Variants in ANK3 observed in about 807,000 individuals in gnomAD.
ANK3 encodes the protein ankyrin-3.
A neutral mutation model predicts 370.9 loss-of-function variants in ANK3; 57 were observed. The observed-to-expected ratio is 0.15, with a 90% CI of 0.12 to 0.19. ANK3 has a LOEUF of 0.19. Ranked by LOEUF, ANK3 falls within the 10% of genes least tolerant of loss-of-function variation. ANK3 has a pLI of 1.00. For synonymous variants in ANK3, 1,929 were observed against 1,946.3 expected (o/e 0.99, Z 0.23); for missense variants, 4,439 against 5,302.1 (o/e 0.84, Z 5.06).
chr10:60,590,761 C>T (rs1595329575), intron 2 of ANK3, among the ~76,000 whole-genome samples: 1 of 152,356 alleles, frequency 6.6e-6, no homozygotes, highest in East Asian at 1.9e-4. Context: ...TTCCTGCATA[C>T]TTTAAATCAT....
At chr10:60,321,178 C>T (rs1393824866) in intron 1 of ANK3, among the ~76,000 whole-genome samples, 5 of 151,904 alleles carry the variant, frequency 3.3e-5, no homozygotes, top group Non-Finnish European at 5.9e-5. Flanking sequence ...ATCACTTGAG[C>T]CCGGAGTTTG....
chr10:60,502,656 A>C (rs1199117708), intron 2 of ANK3, among the ~76,000 whole-genome samples: 1 of 151,334 alleles, frequency 6.6e-6, no homozygotes, highest in African/African-American at 2.4e-5. Context: ...TAGCCACTGC[A>C]CTCCAGTCTG....
intron 41 of ANK3, among the ~76,000 whole-genome samples, chr10:60,057,647 C>T (rs1346359776): frequency 6.6e-6 from 1 of 152,182 alleles, no homozygotes; most frequent in Non-Finnish European, 1.5e-5. Flanking sequence ...ATAACAGGAG[C>T]AAAGTGACTG....
At chr10:60,168,783 G>T (rs1291864754) in intron 21 of ANK3, among the ~76,000 whole-genome samples, 1 of 152,154 alleles carries the variant, frequency 6.6e-6, no homozygotes, top group Non-Finnish European at 1.5e-5. Flanking sequence ...TTGTAAGTGA[G>T]AACATGTGGT....
At chr10:60,221,589 T>C (rs1324664143) in intron 8 of ANK3, among the ~76,000 whole-genome samples, 1 of 152,178 alleles carries the variant, frequency 6.6e-6, no homozygotes, top group Non-Finnish European at 1.5e-5. Flanking sequence ...GACATCATAT[T>C]ATTATATCCT....
rs1467092166 is a variant in ANK3 at position 60,059,935 on chromosome 10, G to T, written c.12596-505C>A. The T allele has an allele frequency of 4.3e-6, 7 of 1,614,032 alleles. 1 individual carries two copies. The Admixed American group carries it at 1.0e-4, about 23-fold the overall frequency. On this transcript the variant is annotated intron_variant, in intron 40 of 43. Transcript: ENST00000280772. ...GAGATATCACTAAAATAATCATCTT[G>T]CTGGAAAGGGGTAGGTGGTGTGTAG...
intron 1 of ANK3, among the ~76,000 whole-genome samples, chr10:60,688,668 G>T (rs183937135): frequency 6.6e-6 from 1 of 152,198 alleles, no homozygotes; most frequent in Admixed American, 6.5e-5. Flanking sequence ...ATAAAATCAG[G>T]CCGGGTGCGG....
intron 1 of ANK3, among the ~76,000 whole-genome samples, chr10:60,329,224 A>G (rs1310804454): frequency 6.6e-6 from 1 of 152,194 alleles, no homozygotes; most frequent in Non-Finnish European, 1.5e-5. Flanking sequence ...AAACCGGCAC[A>G]AGACAAGGAT....
At chr10:60,436,045 G>A (rs1011550858) in intron 2 of ANK3, among the ~76,000 whole-genome samples, 1 of 150,192 alleles carries the variant, frequency 6.7e-6, no homozygotes, top group African/African-American at 2.5e-5. Flanking sequence ...CGGAGATCGC[G>A]CCACAGCACT....
intron 4 of ANK3, among the ~76,000 whole-genome samples, chr10:60,277,336 A>T (rs916380352): frequency 1.1e-4 from 17 of 152,228 alleles, no homozygotes; most frequent in Non-Finnish European, 2.5e-4. Context: ...GTAAAGTTTG[A>T]TTCAGACTTA....
chr10:60,644,168 A>C (rs562558280), intron 1 of ANK3, among the ~76,000 whole-genome samples: 1 of 152,242 alleles, frequency 6.6e-6, no homozygotes, highest in Non-Finnish European at 1.5e-5. Context: ...ATGTAAGATG[A>C]CTTCTCGTCT....
chr10:60,292,810 C>T (rs980620618), intron 1 of ANK3, among the ~76,000 whole-genome samples: 2 of 151,456 alleles, frequency 1.3e-5, no homozygotes, highest in African/African-American at 4.9e-5. Context: ...CGGGTTCAAG[C>T]GATTCTTCTG....
At chr10:60,270,086 C>G (rs2132670627) in intron 5 of ANK3, 45 bp downstream of exon 5, 2 of 1,335,530 alleles carry the variant, frequency 1.5e-6, no homozygotes, top group South Asian at 1.6e-5. Flanking sequence ...TCAAAATGCC[C>G]TATAAATACG....
At chr10:60,287,960 T>C (rs1383918735) in intron 1 of ANK3, among the ~76,000 whole-genome samples, 1 of 152,190 alleles carries the variant, frequency 6.6e-6, no homozygotes, top group Non-Finnish European at 1.5e-5. Flanking sequence ...TAAACCATAA[T>C]ATCCAATCCA....
At chr10:60,419,677 A>C (rs555615935) in intron 2 of ANK3, among the ~76,000 whole-genome samples, 64 of 152,112 alleles carry the variant, frequency 4.2e-4, no homozygotes, top group Non-Finnish European at 8.1e-4. Context: ...TCTCCTGCCT[A>C]CCTAAGCCTG....
chr10:60,545,882 T>C (rs7072878), intron 2 of ANK3, among the ~76,000 whole-genome samples: 88,674 of 152,070 alleles, frequency 0.58, 26,319 homozygotes, highest in East Asian at 0.79. Flanking sequence ...AAGATAATGA[T>C]ATAATGAGTT....
chr10:60,272,777 T>A (rs35079829), intron 4 of ANK3, among the ~76,000 whole-genome samples: 31,532 of 148,156 alleles, frequency 0.21, 3,780 homozygotes, highest in South Asian at 0.3. Flanking sequence ...CACACCCACC[T>A]TTTTTTTTTT....
chr10:60,714,234 G>C (rs2079751003), intron 1 of ANK3, among the ~76,000 whole-genome samples: 1 of 152,142 alleles, frequency 6.6e-6, no homozygotes, highest in African/African-American at 2.4e-5. Context: ...ATCTATTAAA[G>C]ACATTGAATC....
chr10:60,379,518 T>C (rs1191325511), intron 1 of ANK3, among the ~76,000 whole-genome samples: 2 of 152,094 alleles, frequency 1.3e-5, no homozygotes, highest in African/African-American at 4.8e-5. Context: ...ATATACACAA[T>C]GAAATACTAT....
Sources: allele counts gnomAD v4.1 joint callset (sites outside exome capture counted in the v4.1 genomes callset), GRCh38; gene constraint gnomAD v4.1.1; transcripts MANE v1.5; gene names NCBI Gene and HGNC (gene_info 2026-07-23, HGNC 2026-07-21).